GCNT2: variants seen among roughly 807,000 people sequenced by gnomAD.
The protein encoded by GCNT2 is glucosaminyl (N-acetyl) transferase 2 (I blood group), also known as N-acetyllactosaminide beta-1,6-N-acetylglucosaminyl-transferase.
GCNT2 carries 34 observed loss-of-function variants against 34.2 expected under a neutral mutation model. The observed-to-expected ratio is 1.00, with a 90% confidence interval of 0.76 to 1.32. The LOEUF (loss-of-function observed/expected upper bound fraction) is 1.32. Ranked by LOEUF, GCNT2 falls within the 40% of genes most tolerant of loss-of-function variation. The probability of loss-of-function intolerance (pLI) is 0.00; values close to 1 mark genes in which losing one functional copy is unlikely to be tolerated. For missense variants in GCNT2, 584 were observed against 489.4 expected, an observed-to-expected ratio of 1.19 and a Z score of -1.82; for synonymous variants, 212 against 188.0, an observed-to-expected ratio of 1.13 and a Z score of -1.04.
intron 3 of GCNT2, among the ~76,000 whole-genome samples, chr6:10,604,869 AAAAG>A (rs1442461338): frequency 8.6e-6 from 1 of 115,776 alleles, no homozygotes; most frequent in Non-Finnish European, 2.2e-5. Context: ...AAAAAAAAGA[AAAAG>A]AAAAAGAAAG....
At chr6:10,553,844 T>C (rs1295201766) in intron 3 of GCNT2, among the ~76,000 whole-genome samples, 2 of 152,148 alleles carry the variant, frequency 1.3e-5, no homozygotes, top group Non-Finnish European at 2.9e-5. Context: ...CAGTGAGACA[T>C]GATGGTGCCA....
rs543718043 is a variant in GCNT2, at chr6:10,628,159, T to C, written c.*1552T>C. The C allele has an allele frequency of 1.0e-4, 16 of 152,676 alleles. No homozygotes were observed. The South Asian group carries it at 2.5e-3, about 24-fold the overall frequency. The allele number at this position is 152,676 out of a possible 1,614,324, so 9.5% of individuals were successfully genotyped here. ...GCCATATTTAGTATACCAGAGAAGG[T>C]AGATTTTAAGAATGGTCTCAGTGTT... On this transcript the variant is annotated 3_prime_UTR_variant, in exon 5 of 5. Coordinates refer to ENST00000495262, the MANE Select transcript of GCNT2 (RefSeq NM_145649.5).
chr6:10,603,989 C>T lies in GCNT2; in HGVS notation c.926-17362C>T, dbSNP rs189136633. Among the ~76,000 whole-genome samples the T allele has an allele frequency of 2.4e-3, 371 of 151,636 alleles. 4 individuals are homozygous for T. The highest frequency in any genetic ancestry group is 0.021 in the Admixed American group (326 of 15,194). On this transcript the variant is annotated intron_variant, in intron 3 of 4. Coordinates refer to ENST00000495262, the MANE Select transcript of GCNT2 (RefSeq NM_145649.5). Reference sequence around the variant, plus strand: ...TGGCTCACTGCAACCTCCGCCGCCCCGGTTCAAACGATTCTCTTGCCTCAG... The same window carrying T: ...TGGCTCACTGCAACCTCCGCCGCCCTGGTTCAAACGATTCTCTTGCCTCAG...
In GCNT2 at chr6:10,621,365, A is replaced by G. The variant is rs1766027362; in HGVS notation, c.940A>G (p.Met314Val). 1.2e-6 allele frequency: 2 copies of G among 1,611,502 alleles called. No individual in the cohort carries two copies. Among genetic ancestry groups the G allele is most frequent in the Admixed American group, 1.7e-5 (1 of 59,990 alleles). The change falls in exon 4 of 5, where the codon ATG (methionine) becomes GTG (valine). Residue 314 changes from methionine to valine, a missense_variant. Physicochemically the swap from Met to Val is conservative, Grantham distance 21. Transcript: ENST00000495262. ...CAACATTGCAGGTGTTCCTGGCTCT[A>G]TGCCAAATGCATCCTGGACTGGAAA... ...LNRIPGVPGS[M>V]PNASWTGNLR... is the part of the protein sequence containing the mutation.
intron 3 of GCNT2, among the ~76,000 whole-genome samples, chr6:10,618,388 T>C (rs1765886591): frequency 1.3e-5 from 2 of 152,228 alleles, no homozygotes; most frequent in Non-Finnish European, 2.9e-5. Flanking sequence ...AGCAGGTAAT[T>C]AATTATAAAT....
intron 3 of GCNT2, among the ~76,000 whole-genome samples, chr6:10,594,077 C>T (rs1291463166): frequency 2.6e-5 from 4 of 152,232 alleles, no homozygotes; most frequent in South Asian, 4.1e-4. Context: ...CTAGACTTGG[C>T]CATGCCTCAG....
In GCNT2 at chr6:10,557,360, T is replaced by C. The variant is rs376949368; in HGVS notation, c.925+27524T>C. ...GATTCCAGGTACGTACAATTCCATATTTCATGCAAAAGAAATGTGTCGTAT... is the reference window on the plus strand; with the variant it reads ...GATTCCAGGTACGTACAATTCCATACTTCATGCAAAAGAAATGTGTCGTAT... On this transcript the variant is annotated intron_variant, in intron 3 of 4. Transcript: ENST00000495262. The C allele has an allele frequency of 5.2e-5, 83 of 1,591,824 alleles. No individual in the cohort carries two copies. In the African/African-American group the frequency reaches 9.9e-4, roughly 19 times the overall value.
rs187207484 is a variant in GCNT2 at position 10,587,857 on chromosome 6, A to T, written c.926-33494A>T. On this transcript the variant is annotated intron_variant, in intron 3 of 4. Transcript: ENST00000495262. The stretch of plus-strand genomic sequence containing the variant: ...TGGTTGTGGGTGACTGGTGGTTCTC[A>T]TGAGCACAGTGACCCCGACAAGCCT... Among the ~76,000 whole-genome samples, 90 of 152,272 alleles carry T rather than the reference A, an allele frequency of 5.9e-4. 1 individual carries two copies. The East Asian group carries it at 0.016, about 28-fold the overall frequency.
At chr6:10,559,703 G>A (rs939416257) in intron 3 of GCNT2, among the ~76,000 whole-genome samples, 1 of 152,238 alleles carries the variant, frequency 6.6e-6, no homozygotes, top group Admixed American at 6.5e-5. Flanking sequence ...AGCTCCTCCA[G>A]AGAGCAACTG....
At chr6:10,564,008 G>A (rs1236654157) in intron 3 of GCNT2, among the ~76,000 whole-genome samples, 2 of 151,912 alleles carry the variant, frequency 1.3e-5, no homozygotes, top group East Asian at 3.9e-4. Flanking sequence ...TTCAGCTTGC[G>A]GAATGGTTAT....
In GCNT2 at chr6:10,529,294, T is replaced by C; in HGVS notation, c.383T>C (p.Leu128Pro). ...YMPQNVYCVHLDQKATDAFKG... is the reference protein window; with the variant it reads ...YMPQNVYCVHPDQKATDAFKG... ...CCCCAAAATGTCTACTGTGTGCACC[T>C]GGATCAGAAGGCGACGGATGCCTTT... is the stretch of plus-strand genomic sequence containing the variant. The change falls in exon 3 of 5, where the codon CTG (leucine) becomes CCG (proline). Residue 128 changes from leucine (L) to proline (P), a missense_variant. Coordinates refer to ENST00000495262, the MANE Select transcript of GCNT2 (RefSeq NM_145649.5). The C allele has an allele frequency of 6.2e-7, 1 of 1,614,192 alleles. No individual in the cohort carries two copies. Among genetic ancestry groups the C allele is most frequent in the Non-Finnish European group, 8.5e-7 (1 of 1,180,028 alleles).
chr6:10,523,972 CAAA>C lies in GCNT2; in HGVS notation c.-469+2574_-469+2576del, dbSNP rs774638226. 1.2e-4 allele frequency among the ~76,000 whole-genome samples: 8 copies of C among 68,362 alleles called. 1 individual carries two copies. Among genetic ancestry groups the C allele is most frequent in the South Asian group, 1.3e-3 (2 of 1,514 alleles). 44.8% of individuals were successfully genotyped at this position (68,362 alleles called of 152,430 possible). ...TGGGTGACAGAGCGAGACTCTGTCT[CAAA>C]AAAAAAAAAAAAAAAAAACCAAGAC... On this transcript the variant is annotated intron_variant, in intron 1 of 4. Coordinates refer to ENST00000495262, the MANE Select transcript of GCNT2 (RefSeq NM_145649.5).
chr6:10,617,955 A>C (rs1459818760), intron 3 of GCNT2, among the ~76,000 whole-genome samples: 1 of 150,976 alleles, frequency 6.6e-6, no homozygotes, highest in African/African-American at 2.4e-5. Context: ...GGGTTTCACC[A>C]CGTTGGACAG....
At chr6:10,582,621 TA>T (rs1394536451) in intron 3 of GCNT2, among the ~76,000 whole-genome samples, 26 of 140,806 alleles carry the variant, frequency 1.8e-4, no homozygotes, top group South Asian at 1.5e-3. Flanking sequence ...TAAATATATA[TA>T]TTTTTTTTCC....
At chr6:10,584,160 T>C (rs887119912) in intron 3 of GCNT2, among the ~76,000 whole-genome samples, 3 of 152,046 alleles carry the variant, frequency 2.0e-5, no homozygotes, top group Admixed American at 6.6e-5. Flanking sequence ...GAGGGGAATG[T>C]GGTGGGGCTA....
rs1337478635 is a variant in GCNT2, at chr6:10,628,852, C to T, written c.*2245C>T. On this transcript the variant is annotated 3_prime_UTR_variant, in exon 5 of 5. Transcript: ENST00000495262. ...GCTGGCCGACATGGTGAAACCCCAT[C>T]TCTACTAAAAAATATAAAAATTAGC... 1 of 152,232 alleles carries T rather than the reference C, an allele frequency of 6.6e-6. No individual in the cohort carries two copies. Among genetic ancestry groups the T allele is most frequent in the Admixed American group, 6.5e-5 (1 of 15,282 alleles). The allele number at this position is 152,232 out of a possible 1,614,324, so 9.4% of individuals were successfully genotyped here. A position where few individuals can be genotyped will look rare whatever the true frequency, so the allele number is the denominator to read the frequency against.
At chr6:10,614,845 G>C (rs942631) in intron 3 of GCNT2, among the ~76,000 whole-genome samples, 1 of 151,842 alleles carries the variant, frequency 6.6e-6, no homozygotes, top group African/African-American at 2.4e-5. Context: ...GAATGGACGC[G>C]CGTTCATTCC....
At chr6:10,617,743 A>ATTTT (rs1254996839) in intron 3 of GCNT2, among the ~76,000 whole-genome samples, 23 of 112,792 alleles carry the variant, frequency 2.0e-4, no homozygotes, top group South Asian at 7.4e-4. Context: ...CAGAGTCTGC[A>ATTTT]TTTCTTCTTT....
At chr6:10,523,604 C>G (rs1265296599) in intron 1 of GCNT2, among the ~76,000 whole-genome samples, 2 of 152,118 alleles carry the variant, frequency 1.3e-5, no homozygotes, top group Non-Finnish European at 2.9e-5. Flanking sequence ...AAGCCCTGAG[C>G]TGAGCACGTT....
Sources: allele counts gnomAD v4.1 joint callset (sites outside exome capture counted in the v4.1 genomes callset), GRCh38; gene constraint gnomAD v4.1.1; transcripts MANE v1.5; gene names NCBI Gene and HGNC (gene_info 2026-07-23, HGNC 2026-07-21).